TAF7L: variants seen among roughly 807,000 people sequenced by gnomAD.
TAF7L encodes TATA-box binding protein associated factor 7 like, also known as transcription initiation factor TFIID subunit 7-like.
In TAF7L, 6 loss-of-function variants were observed where a neutral mutation model predicts 30.2. The ratio of observed to expected loss-of-function variants is 0.20; its 90% confidence interval spans 0.11 to 0.39. The LOEUF (loss-of-function observed/expected upper bound fraction) is 0.39, where lower values mean the gene tolerates loss of function less well. Among genes scored for constraint, TAF7L ranks in the 10% least tolerant of loss-of-function variants. TAF7L has a pLI of 1.00. For synonymous variants in TAF7L, 93 were observed against 94.5 expected, an observed-to-expected ratio of 0.98 and a Z score of 0.09; for missense variants, 284 against 277.1, an observed-to-expected ratio of 1.03 and a Z score of -0.18.
upstream of TAF7L, among the ~76,000 whole-genome samples, chrX:101,292,437 CAAAAAAAAAA>C (rs145821944): frequency 2.8e-5 from 1 of 35,725 alleles, no homozygotes; most frequent in Admixed American, 4.1e-4. Flanking sequence ...GAAACTCCGT[CAAAAAAAAAA>C]AAAAAAAAAA....
chrX:101,276,847 G>A lies in TAF7L; in HGVS notation c.692-319C>T, dbSNP rs371824569. Among the ~76,000 whole-genome samples the A allele has an allele frequency of 1.6e-3, 179 of 110,367 alleles. 1 individual carries two copies. Among genetic ancestry groups the A allele is most frequent in the African/African-American group, 4.9e-3 (150 of 30,359 alleles). ...CCAAGAGACCAATAAGAGGGAAGAAGGGCTGGGTGTGGTGGCTCATGCCTG... is the reference window on the plus strand; with the variant it reads ...CCAAGAGACCAATAAGAGGGAAGAAAGGCTGGGTGTGGTGGCTCATGCCTG... On this transcript the variant is annotated intron_variant, in intron 9 of 12. Coordinates refer to ENST00000356784, the MANE Select transcript of TAF7L (RefSeq NM_001168474.2).
intron 12 of TAF7L, among the ~76,000 whole-genome samples, chrX:101,273,250 C>T (rs1009091127): frequency 3.6e-5 from 4 of 111,871 alleles, no homozygotes; most frequent in African/African-American, 1.3e-4. Flanking sequence ...CTACTCTCAC[C>T]TTCTTCCAAC....
At chrX:101,288,096 A>G (rs764976362) in intron 1 of TAF7L, among the ~76,000 whole-genome samples, 1 of 110,871 alleles carries the variant, frequency 9.0e-6, no homozygotes, top group Non-Finnish European at 1.9e-5. Context: ...CTCTAGAGCC[A>G]GCAACAACAG....
At chrX:101,270,259 C>T (rs920200284) in intron 12 of TAF7L, among the ~76,000 whole-genome samples, 6 of 111,562 alleles carry the variant, frequency 5.4e-5, no homozygotes, top group Non-Finnish European at 9.4e-5. Context: ...CACTCCATAC[C>T]AGAATGAATT....
Position 101,268,303 on chromosome X carries a change from AACAC to A in TAF7L, c.*886_*889del, listed in dbSNP as rs1406189352. On this transcript the variant is annotated 3_prime_UTR_variant, in exon 13 of 13. Transcript: ENST00000356784. ...ATTGCTTAAAGAACATAGACCATAA[AACAC>A]TAATAATATACCTAGAAAAAAACCC... 1 of 112,146 alleles carries A rather than the reference AACAC, an allele frequency of 8.9e-6. No individual in the cohort carries two copies. Among genetic ancestry groups the A allele is most frequent in the Non-Finnish European group, 1.9e-5 (1 of 53,289 alleles). The allele number at this position is 112,146 out of a possible 1,213,427, so 9.2% of individuals were successfully genotyped here. A position where few individuals can be genotyped will look rare whatever the true frequency, so the allele number is the denominator to read the frequency against.
intron 6 of TAF7L, among the ~76,000 whole-genome samples, chrX:101,280,308 T>C (rs930474220): frequency 5.4e-5 from 6 of 111,360 alleles, no homozygotes; most frequent in African/African-American, 2.0e-4. Context: ...AATTCAATAA[T>C]AAAAAATCAA....
At chrX:101,284,382 T>G (rs1924511845) in intron 3 of TAF7L, among the ~76,000 whole-genome samples, 1 of 112,250 alleles carries the variant, frequency 8.9e-6, no homozygotes, top group African/African-American at 3.2e-5. Flanking sequence ...TATTTTTCTT[T>G]GAGAAGGAGT....
At chrX:101,272,865 C>T (rs2147367421) in intron 12 of TAF7L, among the ~76,000 whole-genome samples, 1 of 111,048 alleles carries the variant, frequency 9.0e-6, no homozygotes, top group Non-Finnish European at 1.9e-5. Flanking sequence ...TCACTGCAAC[C>T]TCTGCCTCCC....
chrX:101,272,641 A>T (rs1412368417), intron 12 of TAF7L, among the ~76,000 whole-genome samples: 1 of 111,548 alleles, frequency 9.0e-6, no homozygotes, highest in Admixed American at 9.6e-5. Context: ...GGTTCTGGAG[A>T]AGTGGGGAGT....
intron 4 of TAF7L, 76 bp from the exon 5 acceptor site, chrX:101,282,529 A>G (rs1924449303): frequency 9.5e-7 from 1 of 1,056,408 alleles, no homozygotes; most frequent in Non-Finnish European, 1.3e-6. Flanking sequence ...TCTTACCACT[A>G]GAAATGCACA....
At chrX:101,275,411 C>A in intron 11 of TAF7L, 130 bp from the exon 12 acceptor site, 1 of 471,328 alleles carries the variant, frequency 2.1e-6, no homozygotes, top group South Asian at 3.9e-5. Context: ...CTCTGTCACC[C>A]AGGCTGGAGT....
chrX:101,278,207 A>C (rs144453130), intron 7 of TAF7L, 86 bp from the exon 8 acceptor site: 10 of 700,730 alleles, frequency 1.4e-5, no homozygotes, highest in Middle Eastern at 3.1e-4. Flanking sequence ...CTACGTACCA[A>C]CGAATTCAAA....
intron 1 of TAF7L, among the ~76,000 whole-genome samples, chrX:101,289,347 C>T (rs1670700834): frequency 8.9e-6 from 1 of 111,979 alleles, no homozygotes; most frequent in African/African-American, 3.2e-5. Context: ...CTGCAGTGAA[C>T]ATGTGTGTGC....
chrX:101,273,587 T>TA lies in TAF7L; in HGVS notation c.1086+1634dup, dbSNP rs373591733. On this transcript the variant is annotated intron_variant, in intron 12 of 12. Coordinates refer to ENST00000356784, the MANE Select transcript of TAF7L (RefSeq NM_001168474.2). ...CTGGGCGACAGAGCAAGACTCCATT[T>TA]AAAAAAAAAAAAGTTTAAATTAGAT... Among the ~76,000 whole-genome samples, 511 of 104,395 alleles carry TA rather than the reference T, an allele frequency of 4.9e-3. 1 individual carries two copies. The highest frequency in any genetic ancestry group is 0.015 in the African/African-American group (429 of 28,909). The allele number at this position is 104,395 out of a possible 115,157, so 90.7% of individuals were successfully genotyped here.
Position 101,280,727 on chromosome X carries a change from A to G in TAF7L, c.462+993T>C, listed in dbSNP as rs1298625269. 1.9e-4 allele frequency among the ~76,000 whole-genome samples: 21 copies of G among 111,992 alleles called. No homozygotes were observed. The Admixed American group carries it at 2.0e-3, about 11-fold the overall frequency. ...CTGTAAACAACCCAGATGTCCTTCA[A>G]AGGGAGAACAGTTATGTAATGTGGT... is the stretch of plus-strand genomic sequence containing the variant. On this transcript the variant is annotated intron_variant, in intron 6 of 12. Transcript: ENST00000356784.
chrX:101,281,650 T>G, intron 6 of TAF7L, 70 bp downstream of exon 6: 1 of 1,004,457 alleles, frequency 1.0e-6, no homozygotes, highest in Non-Finnish European at 1.4e-6. Flanking sequence ...AACTGACTTT[T>G]TCTCTTTTCT....
chrX:101,273,840 A>G (rs73556830), intron 12 of TAF7L, among the ~76,000 whole-genome samples: 5,451 of 111,567 alleles, frequency 0.049, 379 homozygotes, highest in African/African-American at 0.17. Flanking sequence ...GAGGCTCCTC[A>G]TCCCACTCTT....
In TAF7L at chrX:101,288,806, A is replaced by G. The variant is rs181576198; in HGVS notation, c.-2-1261T>C. 1.5e-4 allele frequency among the ~76,000 whole-genome samples: 17 copies of G among 110,542 alleles called. No homozygotes were observed. In the Admixed American group the frequency reaches 1.6e-3, roughly 10 times the overall value. On this transcript the variant is annotated intron_variant, in intron 1 of 12. Transcript: ENST00000356784. ...ATCATATATAATTATGGGGTACACAATGATGTTATGATATAGTGTGAAATG... is the reference window on the plus strand; with the variant it reads ...ATCATATATAATTATGGGGTACACAGTGATGTTATGATATAGTGTGAAATG...
chrX:101,291,855 ACT>A (rs1924818209), upstream of TAF7L, among the ~76,000 whole-genome samples: 2 of 86,349 alleles, frequency 2.3e-5, no homozygotes, highest in Non-Finnish European at 4.5e-5. Context: ...ACAGAGTGAG[ACT>A]CTGTCCGAAA....
Sources: allele counts gnomAD v4.1 joint callset (sites outside exome capture counted in the v4.1 genomes callset), GRCh38; gene constraint gnomAD v4.1.1; transcripts MANE v1.5; gene names NCBI Gene and HGNC (gene_info 2026-07-23, HGNC 2026-07-21).